TMEM117: variants seen among roughly 807,000 people sequenced by gnomAD.
The protein encoded by TMEM117 is transmembrane protein 117.
In TMEM117, 27 loss-of-function variants were observed where a neutral mutation model predicts 52.4. The ratio of observed to expected loss-of-function variants is 0.51; its 90% CI spans 0.38 to 0.71. The LOEUF is 0.71. Ranked by LOEUF, TMEM117 falls within the 30% of genes least tolerant of loss-of-function variation. The probability of loss-of-function intolerance (pLI) is 0.00; values close to 1 mark genes in which losing one functional copy is unlikely to be tolerated. For synonymous variants in TMEM117, 215 were observed against 206.3 expected, an observed-to-expected ratio of 1.04 and a Z score of -0.36; for missense variants, 556 against 630.5, an observed-to-expected ratio of 0.88 and a Z score of 1.26.
chr12:44,397,560 G>A, the TMEM117 span, among the ~76,000 whole-genome samples: 1 of 152,178 alleles, frequency 6.6e-6, no homozygotes, highest in Admixed American at 6.6e-5. Context: ...CGGACGAACT[G>A]TGATTATAGC....
At chr12:44,167,032 G>T (rs1459485549) in intron 4 of TMEM117, among the ~76,000 whole-genome samples, 2 of 152,158 alleles carry the variant, frequency 1.3e-5, no homozygotes, top group African/African-American at 4.8e-5. Flanking sequence ...CCAGTCTCTT[G>T]TGGGATTATT....
intron 5 of TMEM117, among the ~76,000 whole-genome samples, 158 bp from the exon 6 acceptor site, chr12:44,299,422 C>T (rs1237173285): frequency 1.3e-5 from 2 of 152,238 alleles, no homozygotes; most frequent in African/African-American, 4.8e-5. Flanking sequence ...CATGAGCCAC[C>T]ATGCCCGGCC....
intron 6 of TMEM117, among the ~76,000 whole-genome samples, chr12:44,325,175 A>G (rs1195565740): frequency 6.6e-6 from 1 of 152,148 alleles, no homozygotes; most frequent in Non-Finnish European, 1.5e-5. Flanking sequence ...TAAAATTTGG[A>G]TTTTGTTTAG....
intron 3 of TMEM117, among the ~76,000 whole-genome samples, chr12:44,008,037 G>A (rs1946228935): frequency 6.6e-6 from 1 of 152,140 alleles, no homozygotes; most frequent in Non-Finnish European, 1.5e-5. Context: ...AGGCCCTGCA[G>A]CAGTATGGCA....
intron 3 of TMEM117, among the ~76,000 whole-genome samples, chr12:43,975,928 G>A (rs1945663992): frequency 6.6e-6 from 1 of 152,150 alleles, no homozygotes. Flanking sequence ...GTATCTAGCA[G>A]CATCCCACTG....
At position 43,904,217 on chromosome 12, in the gene TMEM117, A is replaced by G. The variant is rs566487307; in HGVS notation, c.278-39993A>G. 2.0e-5 allele frequency among the ~76,000 whole-genome samples: 3 copies of G among 152,314 alleles called. No individual in the cohort carries two copies. The East Asian group carries it at 5.8e-4, about 29-fold the overall frequency. On this transcript the variant is annotated intron_variant, in intron 2 of 7. Coordinates refer to ENST00000266534, the MANE Select transcript of TMEM117 (RefSeq NM_032256.3). Reference sequence around the variant, plus strand: ...AAGAAGAAAGTTTATTTCCTTAAAAACAACCTTTTAGGCCAGACACGGTGG... The same window carrying G: ...AAGAAGAAAGTTTATTTCCTTAAAAGCAACCTTTTAGGCCAGACACGGTGG...
intron 3 of TMEM117, among the ~76,000 whole-genome samples, chr12:44,104,798 CT>C (rs958928912): frequency 6.6e-6 from 1 of 151,984 alleles, no homozygotes; most frequent in Admixed American, 6.6e-5. Context: ...TAACATTTCA[CT>C]CCACTATCTT....
intron 5 of TMEM117, among the ~76,000 whole-genome samples, chr12:44,294,724 T>A (rs766465824): frequency 2.0e-5 from 3 of 152,212 alleles, no homozygotes; most frequent in Non-Finnish European, 4.4e-5. Flanking sequence ...GTCAATCTGA[T>A]AACAGATGGC....
intron 4 of TMEM117, among the ~76,000 whole-genome samples, chr12:44,157,421 A>G (rs939626133): frequency 2.1e-4 from 32 of 152,172 alleles, no homozygotes; most frequent in African/African-American, 7.5e-4. Flanking sequence ...ACATTAGAAC[A>G]TCTTAAAATA....
intron 3 of TMEM117, among the ~76,000 whole-genome samples, chr12:44,104,414 GT>G (rs541880336): frequency 1.3e-5 from 2 of 151,182 alleles, no homozygotes; most frequent in African/African-American, 4.9e-5. Context: ...GGTAATTAGG[GT>G]TTTTTTTCCT....
At chr12:43,873,515 C>G (rs1480216897) in intron 2 of TMEM117, among the ~76,000 whole-genome samples, 1 of 152,010 alleles carries the variant, frequency 6.6e-6, no homozygotes, top group African/African-American at 2.4e-5. Flanking sequence ...CAATAAAACA[C>G]ATTTAGCTAT....
intron 6 of TMEM117, among the ~76,000 whole-genome samples, chr12:44,314,446 A>C (rs1241180143): frequency 6.6e-6 from 1 of 151,900 alleles, no homozygotes; most frequent in Non-Finnish European, 1.5e-5. Context: ...AATAAAGCCT[A>C]CTTGATTGTG....
chr12:44,249,289 G>A (rs1592639371), intron 5 of TMEM117, among the ~76,000 whole-genome samples: 1 of 152,024 alleles, frequency 6.6e-6, no homozygotes, highest in Admixed American at 6.6e-5. Flanking sequence ...CTAGGCTGAG[G>A]TCTGCAGGAG....
intron 6 of TMEM117, among the ~76,000 whole-genome samples, chr12:44,352,237 T>G (rs567300253): frequency 3.0e-4 from 46 of 152,204 alleles, no homozygotes; most frequent in African/African-American, 1.0e-3. Flanking sequence ...ACACCTACTA[T>G]GTACCCACAA....
At chr12:43,994,795 T>C (rs1393069935) in intron 3 of TMEM117, among the ~76,000 whole-genome samples, 1 of 152,102 alleles carries the variant, frequency 6.6e-6, no homozygotes, top group East Asian at 1.9e-4. Context: ...ATGGTCTTCG[T>C]TGGACTGGGA....
intron 3 of TMEM117, among the ~76,000 whole-genome samples, chr12:44,044,633 G>C (rs752458981): frequency 6.6e-6 from 1 of 152,172 alleles, no homozygotes; most frequent in Non-Finnish European, 1.5e-5. Flanking sequence ...TGGCTTCATG[G>C]GGAGTTCTCT....
At chr12:44,283,354 G>A (rs1210671964) in intron 5 of TMEM117, among the ~76,000 whole-genome samples, 1 of 152,140 alleles carries the variant, frequency 6.6e-6, no homozygotes, top group African/African-American at 2.4e-5. Flanking sequence ...GCCCATGAAA[G>A]CAGCCAAGAG....
At chr12:43,898,030 A>G (rs994359922) in intron 2 of TMEM117, among the ~76,000 whole-genome samples, 25 of 13,624 alleles carry the variant, frequency 1.8e-3, no homozygotes, top group African/African-American at 2.2e-3. Flanking sequence ...GCACATGCGC[A>G]CACACACACA....
intron 3 of TMEM117, among the ~76,000 whole-genome samples, chr12:44,004,000 G>GA (rs1436352988): frequency 9.2e-5 from 14 of 152,170 alleles, no homozygotes; most frequent in Admixed American, 3.9e-4. Context: ...ATGAGAATAT[G>GA]CTTTTTTCTG....
Sources: gnomAD v4.1 joint callset for allele counts (sites outside exome capture counted in the v4.1 genomes callset) on GRCh38, gnomAD v4.1.1 for gene constraint, MANE v1.5 for transcripts, NCBI Gene and HGNC (gene_info 2026-07-23, HGNC 2026-07-21) for gene names.